MAST4: variants seen among roughly 807,000 people sequenced by gnomAD.
MAST4 encodes the protein microtubule associated serine/threonine kinase family member 4.
A neutral mutation model predicts 162.7 loss-of-function variants in MAST4; 89 were observed. The ratio of observed to expected loss-of-function variants is 0.55; its 90% CI spans 0.46 to 0.65. The LOEUF (loss-of-function observed/expected upper bound fraction) is 0.65. Among genes scored for constraint, MAST4 ranks in the 30% least tolerant of loss-of-function variants. The pLI is 0.00. For synonymous variants in MAST4, 1,479 were observed against 1,361.1 expected, an observed-to-expected ratio of 1.09 and a Z score of -1.91; for missense variants, 3,153 against 3,374.0, an observed-to-expected ratio of 0.93 and a Z score of 1.62.
At position 67,149,392 on chromosome 5, in the gene MAST4, G is replaced by T. The variant is rs1381616592; in HGVS notation, c.3098G>T (p.Gly1033Val). Residue 1033 changes from glycine (G) to valine (V), a missense_variant, in exon 24 of 29, where the codon GGC becomes GTC. Gly to Val is a moderately radical substitution (Grantham distance 109). Around this residue, in one of 7 missense-constraint regions of MAST4, gnomAD observed 619 missense variants for 744.2 expected, o/e 0.83. Coordinates refer to ENST00000403625, the MANE Select transcript of MAST4 (RefSeq NM_001164664.2). Reference sequence around the variant, plus strand: ...TTATCCCTTCTTCTTTGTACAGTTGGCAGTTTTTCAGAGCACTTGGATCAG... The same window carrying T: ...TTATCCCTTCTTCTTTGTACAGTTGTCAGTTTTTCAGAGCACTTGGATCAG... ...STISSSTLSVGSFSEHLDQIN... is the reference protein window; with the variant it reads ...STISSSTLSVVSFSEHLDQIN... 9 of 1,611,776 alleles carry T rather than the reference G, an allele frequency of 5.6e-6. No individual in the cohort carries two copies. The highest frequency in any genetic ancestry group is 7.6e-6 in the Non-Finnish European group (9 of 1,179,016).
At chr5:66,816,097 T>C (rs866460352) in intron 3 of MAST4, among the ~76,000 whole-genome samples, 2 of 152,238 alleles carry the variant, frequency 1.3e-5, no homozygotes, top group Non-Finnish European at 2.9e-5. Flanking sequence ...ATGCTAGTCT[T>C]TGGTGAAAAG....
At chr5:67,106,756 G>A (rs1765643809) in intron 10 of MAST4, among the ~76,000 whole-genome samples, 2 of 152,144 alleles carry the variant, frequency 1.3e-5, no homozygotes, top group Admixed American at 1.3e-4. Flanking sequence ...TAGCCATAAT[G>A]AATTGTACTG....
chr5:66,615,808 CA>C lies in MAST4; in HGVS notation c.363+18793del, dbSNP rs565680114. Among the ~76,000 whole-genome samples the C allele has an allele frequency of 7.2e-5, 11 of 152,204 alleles. No homozygotes were observed. The South Asian group carries it at 2.3e-3, about 32-fold the overall frequency. ...GGGCAACAGAGCGAGATCCTTGACT[CA>C]AAGAAAGAAAAAGTATTGAGATCCA... On this transcript the variant is annotated intron_variant, in intron 1 of 28. Coordinates refer to ENST00000403625, the MANE Select transcript of MAST4 (RefSeq NM_001164664.2).
intron 1 of MAST4, among the ~76,000 whole-genome samples, chr5:66,750,368 A>C (rs907390915): frequency 3.2e-4 from 49 of 152,332 alleles, no homozygotes; most frequent in African/African-American, 1.1e-3. Context: ...TGATTTCTGC[A>C]TTTCCATCTG....
chr5:66,651,031 T>G (rs932789418), intron 1 of MAST4, among the ~76,000 whole-genome samples: 1 of 152,172 alleles, frequency 6.6e-6, no homozygotes, highest in Non-Finnish European at 1.5e-5. Flanking sequence ...ATTCAGTGAA[T>G]TACTGCTGTT....
chr5:67,006,510 C>T (rs200233162), intron 4 of MAST4, among the ~76,000 whole-genome samples: 1 of 152,178 alleles, frequency 6.6e-6, no homozygotes, highest in Admixed American at 6.5e-5. Context: ...TGATTTCTTA[C>T]CATTTCAGCT....
chr5:66,759,176 C>T (rs1214832111), intron 1 of MAST4, among the ~76,000 whole-genome samples: 1 of 152,144 alleles, frequency 6.6e-6, no homozygotes, highest in Non-Finnish European at 1.5e-5. Flanking sequence ...AATTTCTCTC[C>T]TGTACAACAT....
At chr5:66,654,321 TCG>T (rs1464817403) in intron 1 of MAST4, among the ~76,000 whole-genome samples, 1 of 152,178 alleles carries the variant, frequency 6.6e-6, no homozygotes, top group Non-Finnish European at 1.5e-5. Flanking sequence ...TTCACCCCAG[TCG>T]TTTTTATGAG....
At chr5:66,639,932 C>A (rs902717744) in intron 1 of MAST4, among the ~76,000 whole-genome samples, 1 of 152,110 alleles carries the variant, frequency 6.6e-6, no homozygotes, top group Non-Finnish European at 1.5e-5. Context: ...CACATGGTTA[C>A]CTTTTTTGTG....
At chr5:67,100,670 T>G in intron 8 of MAST4, 78 bp downstream of exon 8, 1 of 1,542,106 alleles carries the variant, frequency 6.5e-7, no homozygotes, top group Non-Finnish European at 8.9e-7. Context: ...CTTCGGTCCT[T>G]TAGGTCATAT....
At chr5:66,986,997 A>G (rs1018556354) in intron 4 of MAST4, among the ~76,000 whole-genome samples, 4 of 152,238 alleles carry the variant, frequency 2.6e-5, no homozygotes, top group Non-Finnish European at 4.4e-5. Flanking sequence ...GTGTAAGATT[A>G]TATAAACTTA....
intron 1 of MAST4, among the ~76,000 whole-genome samples, chr5:66,717,991 C>T (rs1010460575): frequency 6.6e-6 from 1 of 152,124 alleles, no homozygotes; most frequent in African/African-American, 2.4e-5. Context: ...TGAGTTCTCA[C>T]TGGGACATGA....
chr5:66,950,243 T>C (rs1378209681), intron 4 of MAST4, among the ~76,000 whole-genome samples: 1 of 151,738 alleles, frequency 6.6e-6, no homozygotes, highest in Admixed American at 6.6e-5. Context: ...TTTTTTTTTC[T>C]TTTTTTTCTT....
intron 4 of MAST4, among the ~76,000 whole-genome samples, chr5:67,036,836 A>G (rs1199013908): frequency 6.6e-6 from 1 of 152,010 alleles, no homozygotes; most frequent in African/African-American, 2.4e-5. Context: ...GATGCTATAT[A>G]TTTTCTCTTA....
At position 67,166,685 on chromosome 5, in the gene MAST4, T is replaced by C. The variant is rs1774030590; in HGVS notation, c.7506T>C (p.His2502=). 2 of 1,594,918 alleles carry C rather than the reference T, an allele frequency of 1.3e-6. No homozygotes were observed. The highest frequency in any genetic ancestry group is 2.3e-5 in the East Asian group (1 of 43,822). ...TTCCAGCCCCCAGCAACAGGGACCA[T>C]AGGAAGGCTCAGCCTGCCGGGGAGG... ...LELPAPSNRD[H]RKAQPAGEGR... is the part of the protein sequence containing the mutation. The change falls in exon 29 of 29, where the codon CAT becomes CAC. Residue 2502 remains histidine (H), a synonymous_variant. Coordinates refer to ENST00000403625, the MANE Select transcript of MAST4 (RefSeq NM_001164664.2).
chr5:66,809,484 C>T (rs956697530), intron 3 of MAST4, among the ~76,000 whole-genome samples: 2 of 152,108 alleles, frequency 1.3e-5, no homozygotes, highest in African/African-American at 4.8e-5. Context: ...CTTCCTTCAT[C>T]GCTGCTGATT....
intron 3 of MAST4, among the ~76,000 whole-genome samples, chr5:66,842,823 GT>G (rs1030112666): frequency 6.6e-6 from 1 of 151,932 alleles, no homozygotes; most frequent in African/African-American, 2.4e-5. Context: ...TCAGTTCTTT[GT>G]TTTTTTCTGA....
intron 1 of MAST4, among the ~76,000 whole-genome samples, chr5:66,600,934 A>T (rs1742511957): frequency 6.6e-6 from 1 of 152,234 alleles, no homozygotes. Flanking sequence ...ACTCTGCTAC[A>T]CTAAGGGACT....
Position 67,047,954 on chromosome 5 carries a change from G to T in MAST4, c.675-6450G>T, listed in dbSNP as rs186126479. On this transcript the variant is annotated intron_variant, in intron 4 of 28. Coordinates refer to ENST00000403625, the MANE Select transcript of MAST4 (RefSeq NM_001164664.2). The stretch of plus-strand genomic sequence containing the variant: ...AGACTTGAAGATGCCTAGAAAGAAA[G>T]GGTCGACTGATTTACATGAGAAAGA... Among the ~76,000 whole-genome samples, 5 of 152,270 alleles carry T rather than the reference G, an allele frequency of 3.3e-5. No individual in the cohort carries two copies. In the East Asian group the frequency reaches 9.6e-4, roughly 29 times the overall value.
Sources: allele counts gnomAD v4.1 joint callset (sites outside exome capture counted in the v4.1 genomes callset), GRCh38; gene constraint gnomAD v4.1.1; regional missense constraint gnomAD v4.1.1; transcripts MANE v1.5; gene names NCBI Gene and HGNC (gene_info 2026-07-23, HGNC 2026-07-21).